Variants in CYP2C19 observed in about 807,000 individuals in gnomAD.
CYP2C19 encodes cytochrome P450 2C19.
In CYP2C19, 59 loss-of-function variants were observed where a neutral mutation model predicts 40.9. The ratio of observed to expected loss-of-function variants is 1.44; its 90% CI spans 1.17 to 1.79. The LOEUF (loss-of-function observed/expected upper bound fraction) is 1.79, where lower values mean the gene tolerates loss of function less well. Among genes scored for constraint, CYP2C19 ranks in the 40% most tolerant of loss-of-function variants. The pLI is 0.00. For missense variants in CYP2C19, 754 were observed against 596.9 expected (o/e 1.26, Z -2.74); for synonymous variants, 253 against 208.7 (o/e 1.21, Z -1.83).
chr10:94,791,986 G>C (rs138411184), intron 5 of CYP2C19, among the ~76,000 whole-genome samples: 1,888 of 152,192 alleles, frequency 0.012, 37 homozygotes, highest in African/African-American at 0.044. Context: ...CATTATTATT[G>C]TGTGGGAGTC....
intron 6 of CYP2C19, among the ~76,000 whole-genome samples, chr10:94,827,297 T>G (rs1322092461): frequency 6.6e-6 from 1 of 152,080 alleles, no homozygotes; most frequent in African/African-American, 2.4e-5. Context: ...GGTCCTGGAC[T>G]CTTTTTGGTT....
chr10:94,809,885 T>G (rs1004820495), intron 5 of CYP2C19, among the ~76,000 whole-genome samples: 2 of 152,070 alleles, frequency 1.3e-5, no homozygotes, highest in Non-Finnish European at 2.9e-5. Context: ...GTTTGTTTAT[T>G]TATTTATTTA....
intron 4 of CYP2C19, among the ~76,000 whole-genome samples, chr10:94,781,271 T>C (rs1480124946): frequency 2.0e-5 from 3 of 152,170 alleles, no homozygotes; most frequent in Non-Finnish European, 4.4e-5. Context: ...GCATGTTTTA[T>C]ACTCTGCCTA....
In CYP2C19 at chr10:94,780,678, C is replaced by G; in HGVS notation, c.642+19C>G. 6.2e-7 allele frequency: 1 copy of G among 1,612,982 alleles called. No homozygotes were observed. On this transcript the variant is annotated intron_variant, in intron 4 of 8. Transcript: ENST00000371321. ...GATCCAGGTAAGGCCAAGTTTTTTG[C>G]TTCCTGAGAAACCACTTACAGTCTT... is the stretch of plus-strand genomic sequence containing the variant.
intron 6 of CYP2C19, among the ~76,000 whole-genome samples, chr10:94,831,177 T>C (rs1015651590): frequency 6.6e-6 from 1 of 152,198 alleles, no homozygotes; most frequent in African/African-American, 2.4e-5. Context: ...TGCTCTCCAA[T>C]TTCATTCATG....
chr10:94,823,749 G>A (rs1849165831), intron 6 of CYP2C19, among the ~76,000 whole-genome samples: 1 of 152,116 alleles, frequency 6.6e-6, no homozygotes, highest in African/African-American at 2.4e-5. Flanking sequence ...TTTCAGACTT[G>A]CACATTTGCC....
chr10:94,765,970 G>T (rs1466053773), intron 1 of CYP2C19, among the ~76,000 whole-genome samples: 1 of 151,984 alleles, frequency 6.6e-6, no homozygotes, highest in African/African-American at 2.4e-5. Flanking sequence ...GCTTTTCATT[G>T]CTTGTGTAAT....
At chr10:94,765,852 G>A (rs1374257441) in intron 1 of CYP2C19, among the ~76,000 whole-genome samples, 1 of 152,092 alleles carries the variant, frequency 6.6e-6, no homozygotes, top group African/African-American at 2.4e-5. Context: ...TAATTACACT[G>A]ATGGGGTAGT....
At chr10:94,823,443 A>G (rs776391240) in intron 6 of CYP2C19, among the ~76,000 whole-genome samples, 4 of 152,186 alleles carry the variant, frequency 2.6e-5, no homozygotes, top group Non-Finnish European at 5.9e-5. Flanking sequence ...TCTTTTATTC[A>G]TCTTGCTTCC....
intron 6 of CYP2C19, among the ~76,000 whole-genome samples, chr10:94,833,163 A>ATCTT (rs1589372764): frequency 1.3e-5 from 2 of 152,164 alleles, no homozygotes; most frequent in East Asian, 3.9e-4. Flanking sequence ...ATCTTGTGGA[A>ATCTT]TCTTTAGGTT....
chr10:94,822,775 C>T (rs772848514), intron 6 of CYP2C19, among the ~76,000 whole-genome samples: 1 of 152,128 alleles, frequency 6.6e-6, no homozygotes, highest in East Asian at 1.9e-4. Context: ...GCCATTCTGA[C>T]TGGTGTGAGA....
chr10:94,832,858 G>C (rs1390187023), intron 6 of CYP2C19, among the ~76,000 whole-genome samples: 1 of 151,912 alleles, frequency 6.6e-6, no homozygotes, highest in Non-Finnish European at 1.5e-5. Flanking sequence ...TGATAGTATG[G>C]ACATTTTAAT....
chr10:94,787,658 G>C (rs1038200300), intron 5 of CYP2C19, among the ~76,000 whole-genome samples: 3 of 151,954 alleles, frequency 2.0e-5, no homozygotes, highest in Non-Finnish European at 4.4e-5. Context: ...AATCCATTTC[G>C]AGTTAATTTT....
intron 7 of CYP2C19, among the ~76,000 whole-genome samples, chr10:94,844,065 T>C (rs1456662381): frequency 1.3e-5 from 2 of 152,178 alleles, no homozygotes; most frequent in Non-Finnish European, 2.9e-5. Flanking sequence ...GTAATTTTCT[T>C]TCTCAGAATT....
At chr10:94,781,128 A>C (rs1277149613) in intron 4 of CYP2C19, among the ~76,000 whole-genome samples, 1 of 152,198 alleles carries the variant, frequency 6.6e-6, no homozygotes, top group Non-Finnish European at 1.5e-5. Context: ...AGAAACACTG[A>C]ATAGGGCAGA....
intron 5 of CYP2C19, among the ~76,000 whole-genome samples, chr10:94,783,840 C>T (rs1848507562): frequency 6.6e-6 from 1 of 152,034 alleles, no homozygotes; most frequent in Non-Finnish European, 1.5e-5. Context: ...TTCAAAGGAG[C>T]CAATGGGAAT....
intron 7 of CYP2C19, among the ~76,000 whole-genome samples, chr10:94,848,666 G>A (rs577568361): frequency 3.9e-4 from 59 of 152,250 alleles, no homozygotes; most frequent in African/African-American, 1.3e-3. Flanking sequence ...ATTACCTTGG[G>A]CAGTATGGCC....
chr10:94,810,946 G>T (rs970959536), intron 5 of CYP2C19, among the ~76,000 whole-genome samples: 2 of 152,008 alleles, frequency 1.3e-5, no homozygotes, highest in Non-Finnish European at 2.9e-5. Context: ...GTTTGCTCTT[G>T]GTTTTCTAGT....
chr10:94,791,460 G>A (rs1848604428), intron 5 of CYP2C19, among the ~76,000 whole-genome samples: 1 of 151,832 alleles, frequency 6.6e-6, no homozygotes, highest in Non-Finnish European at 1.5e-5. Flanking sequence ...GTGATGTTAG[G>A]GTGTCAAATT....
Sources: gnomAD v4.1 joint callset for allele counts (sites outside exome capture counted in the v4.1 genomes callset) on GRCh38, gnomAD v4.1.1 for gene constraint, MANE v1.5 for transcripts, NCBI Gene and HGNC (gene_info 2026-07-23, HGNC 2026-07-21) for gene names.